Variants in PLD1 observed in about 807,000 individuals in gnomAD.
PLD1 encodes phospholipase D1, also known as choline phosphatase 1.
PLD1 carries 112 observed loss-of-function variants against 137.1 expected under a neutral mutation model. The observed-to-expected ratio is 0.82, with a 90% CI of 0.70 to 0.96. PLD1 has a LOEUF of 0.96. Ranked by LOEUF, PLD1 falls within the 40% of genes least tolerant of loss-of-function variation. The probability of loss-of-function intolerance (pLI) is 0.00; values close to 1 mark genes in which losing one functional copy is unlikely to be tolerated. For missense variants in PLD1, 1,321 were observed against 1,342.0 expected (o/e 0.98, Z 0.24); for synonymous variants, 431 against 454.7 (o/e 0.95, Z 0.66).
At chr3:171,786,190 T>C (rs541126004) in intron 1 of PLD1, among the ~76,000 whole-genome samples, 37 of 152,352 alleles carry the variant, frequency 2.4e-4, no homozygotes, top group African/African-American at 8.2e-4. Context: ...TACCCACCAA[T>C]AAACTTTTCC....
At chr3:171,792,521 G>A in intron 1 of PLD1, 1 of 453,130 alleles carries the variant, frequency 2.2e-6, no homozygotes, top group South Asian at 1.6e-5. Context: ...CAGACACGAA[G>A]GTCTCGCTGA....
At chr3:171,603,328 G>C in intron 26 of PLD1, 26 bp from the exon 27 acceptor site, 1 of 1,549,648 alleles carries the variant, frequency 6.5e-7, no homozygotes, top group Non-Finnish European at 8.9e-7. Flanking sequence ...ATAGAAAAAT[G>C]AGTGAAAAGT....
intron 1 of PLD1, among the ~76,000 whole-genome samples, chr3:171,784,460 C>T (rs1271637301): frequency 6.6e-6 from 1 of 151,792 alleles, no homozygotes; most frequent in African/African-American, 2.4e-5. Context: ...ATTTGAATAA[C>T]ATTTAAGTAC....
intron 1 of PLD1, among the ~76,000 whole-genome samples, chr3:171,764,924 G>A (rs1210241012): frequency 6.9e-4 from 14 of 20,394 alleles, no homozygotes; most frequent in Non-Finnish European, 1.2e-3. Flanking sequence ...AAGAAAGAAA[G>A]GAAAGAAAGG....
At chr3:171,769,459 G>A (rs1167858327) in intron 1 of PLD1, among the ~76,000 whole-genome samples, 1 of 152,128 alleles carries the variant, frequency 6.6e-6, no homozygotes, top group Non-Finnish European at 1.5e-5. Context: ...TTGCACAATA[G>A]CATATATGCG....
chr3:171,655,013 A>G (rs1202648027), intron 21 of PLD1, among the ~76,000 whole-genome samples: 1 of 152,186 alleles, frequency 6.6e-6, no homozygotes, highest in Admixed American at 6.5e-5. Context: ...TGGCAGAAAA[A>G]TACTTAGACC....
chr3:171,804,027 G>A (rs1469764658), intron 1 of PLD1, among the ~76,000 whole-genome samples: 1 of 152,034 alleles, frequency 6.6e-6, no homozygotes, highest in Admixed American at 6.6e-5. Flanking sequence ...TTCCAAAGCA[G>A]GAATAATGGT....
At chr3:171,604,846 T>C (rs1257798375) in intron 26 of PLD1, among the ~76,000 whole-genome samples, 1 of 152,246 alleles carries the variant, frequency 6.6e-6, no homozygotes, top group Non-Finnish European at 1.5e-5. Context: ...TCCTCATAAC[T>C]ACCCTTGTGA....
chr3:171,676,772 G>A lies in PLD1; in HGVS notation c.2058C>T (p.His686=), dbSNP rs200078686. 13 of 1,614,158 alleles carry A rather than the reference G, an allele frequency of 8.1e-6. No homozygotes were observed. Among genetic ancestry groups the A allele is most frequent in the African/African-American group, 5.3e-5 (4 of 75,038 alleles). Residue 686 remains histidine (H), a synonymous_variant, in exon 18 of 27, where the codon CAC becomes CAT. Transcript: ENST00000351298. The part of the protein sequence containing the change: ...MPWHDIASAV[H]GKAARDVARH... The stretch of plus-strand genomic sequence containing the variant: ...GTGCCACATCACGAGCCGCCTTCCC[G>A]TGGACTGCAGAGGCAATGTCATGCC...
chr3:171,676,683 G>A (rs374155271), intron 18 of PLD1, 32 bp downstream of exon 18: 63 of 1,528,992 alleles, frequency 4.1e-5, no homozygotes, highest in Admixed American at 8.4e-5. Flanking sequence ...CTCTCTTCAT[G>A]TGGATAAATC....
intron 11 of PLD1, 51 bp downstream of exon 11, chr3:171,708,704 T>C: frequency 1.1e-6 from 1 of 948,860 alleles, no homozygotes; most frequent in South Asian, 1.3e-5. Flanking sequence ...CCACTGTACA[T>C]TTCTAAACAT....
intron 1 of PLD1, among the ~76,000 whole-genome samples, chr3:171,807,569 G>GA (rs573500238): frequency 6.6e-6 from 1 of 151,944 alleles, no homozygotes; most frequent in Non-Finnish European, 1.5e-5. Context: ...AATTATAAGA[G>GA]AAAAAAAATT....
chr3:171,728,264 G>A (rs367909117), intron 6 of PLD1, among the ~76,000 whole-genome samples: 4 of 152,248 alleles, frequency 2.6e-5, no homozygotes, highest in South Asian at 4.1e-4. Flanking sequence ...TGCAGTGAGC[G>A]GAGATCGTGC....
chr3:171,764,825 GAGAAAGAAAGAAAGAAAGAA>G (rs1226169438), intron 1 of PLD1, among the ~76,000 whole-genome samples: 1,069 of 22,720 alleles, frequency 0.047, 29 homozygotes, highest in Non-Finnish European at 0.065. Flanking sequence ...AAGAAAGAAA[GAGAAAGAAAGAAAGAAAGAA>G]AGAAAGAAAG....
chr3:171,676,962 A>G (rs966051506), intron 17 of PLD1, 129 bp from the exon 18 acceptor site: 1 of 610,560 alleles, frequency 1.6e-6, no homozygotes, highest in African/African-American at 1.9e-5. Flanking sequence ...CTTGGCTTGC[A>G]TAGAACAACA....
At chr3:171,618,720 ATGTG>A (rs199668732) in intron 24 of PLD1, among the ~76,000 whole-genome samples, 16,488 of 140,638 alleles carry the variant, frequency 0.12, 1,038 homozygotes, top group Middle Eastern at 0.24. Context: ...AAAAGTGTGT[ATGTG>A]TGTGTGTGTG....
rs1717470984 is a variant in PLD1 at position 171,714,018 on chromosome 3, TA to T, written c.785del (p.Leu262TyrfsTer4). The T allele has an allele frequency of 6.2e-7, 1 of 1,606,868 alleles. No homozygotes were observed. Among genetic ancestry groups the T allele is most frequent in the Non-Finnish European group, 8.5e-7 (1 of 1,173,784 alleles). On this transcript the variant is annotated frameshift_variant, in exon 9 of 27. Coordinates refer to ENST00000351298, the MANE Select transcript of PLD1 (RefSeq NM_002662.5). LOFTEE classifies it high-confidence loss of function. ...KRWLIVKDSF[L>X]LYMKPDSGAI... ...CACCGCTGTCTGGTTTCATATACAA[TA>T]AAAAGGAATCTTTCACTATTAACCA...
chr3:171,686,519 T>C (rs1714573107), intron 16 of PLD1, among the ~76,000 whole-genome samples, 166 bp downstream of exon 16: 1 of 152,252 alleles, frequency 6.6e-6, no homozygotes, highest in Non-Finnish European at 1.5e-5. Context: ...GTAGGGATCT[T>C]GGATACTACA....
intron 1 of PLD1, among the ~76,000 whole-genome samples, chr3:171,791,381 T>G (rs1357849383): frequency 1.3e-5 from 2 of 152,206 alleles, no homozygotes; most frequent in African/African-American, 4.8e-5. Flanking sequence ...AAGCCTATAA[T>G]TCAGTTCAGG....
Sources: allele counts gnomAD v4.1 joint callset (sites outside exome capture counted in the v4.1 genomes callset), GRCh38; gene constraint gnomAD v4.1.1; transcripts MANE v1.5; gene names NCBI Gene and HGNC (gene_info 2026-07-23, HGNC 2026-07-21).